The following GID8 variants were observed in gnomAD, a reference collection of about 807,000 sequenced individuals.
GID8 encodes GID complex subunit 8 homolog, also known as glucose-induced degradation protein 8 homolog.
In GID8, 6 loss-of-function variants were observed where a neutral mutation model predicts 27.4. The ratio of observed to expected loss-of-function variants is 0.22; its 90% CI spans 0.12 to 0.43. GID8 has a LOEUF of 0.43. Ranked by LOEUF, GID8 falls within the 20% of genes least tolerant of loss-of-function variation. GID8 has a pLI of 1.00. For synonymous variants in GID8, 112 were observed against 109.0 expected, an observed-to-expected ratio of 1.03 and a Z score of -0.17; for missense variants, 173 against 287.6, an observed-to-expected ratio of 0.60 and a Z score of 2.88.
In GID8 at chr20:62,945,165, T is replaced by C. The variant is rs2065460717; in HGVS notation, c.*253T>C. 1 of 1,268,698 alleles carries C rather than the reference T, an allele frequency of 7.9e-7. No homozygotes were observed. The highest frequency in any genetic ancestry group is 1.5e-5 in the African/African-American group (1 of 66,882). 78.6% of individuals were successfully genotyped at this position (1,268,698 alleles called of 1,614,324 possible). ...GCACTCGCTGAAGAATCTGGAAGGT[T>C]GCGGTTTGCTCTTCCAGTGTTCGGG... On this transcript the variant is annotated 3_prime_UTR_variant, in exon 5 of 5. Coordinates refer to ENST00000266069, the MANE Select transcript of GID8 (RefSeq NM_017896.3).
rs746251777 is a variant in GID8, at chr20:62,944,732, A to G, written c.514-7A>G. 8.1e-6 allele frequency: 13 copies of G among 1,595,916 alleles called. No homozygotes were observed. The highest frequency in any genetic ancestry group is 6.6e-5 in the South Asian group (6 of 90,706). ...GGTGGTTTTTATCAGATGTATTTAT[A>G]TTCTAGGTGTGGAGTGAAGTTAACC... On this transcript the variant is annotated splice_polypyrimidine_tract_variant and splice_region_variant and intron_variant, in intron 4 of 4. Coordinates refer to ENST00000266069, the MANE Select transcript of GID8 (RefSeq NM_017896.3).
Position 62,945,460 on chromosome 20 carries a change from TTGGTC to T in GID8, c.*552_*556del. 1.0e-6 allele frequency: 1 copy of T among 997,548 alleles called. No individual in the cohort carries two copies. 61.8% of individuals were successfully genotyped at this position (997,548 alleles called of 1,614,324 possible). On this transcript the variant is annotated 3_prime_UTR_variant, in exon 5 of 5. Coordinates refer to ENST00000266069, the MANE Select transcript of GID8 (RefSeq NM_017896.3). ...GCATTGAGTTTGATTTGTTTTCCCTTTGGTCTGGGTTGTGTGGCTTTTGGGGGATG... is the reference window on the plus strand; with the variant it reads ...GCATTGAGTTTGATTTGTTTTCCCTTTGGGTTGTGTGGCTTTTGGGGGATG...
rs946767489 is a variant in GID8, at chr20:62,945,840, G to C, written c.*928G>C. ...CGCAGAGCCCCAGCAGGTGGTGCACGACTGTTGGCGGAAGGAACGCGTGTT... is the reference window on the plus strand; with the variant it reads ...CGCAGAGCCCCAGCAGGTGGTGCACCACTGTTGGCGGAAGGAACGCGTGTT... On this transcript the variant is annotated 3_prime_UTR_variant, in exon 5 of 5. Coordinates refer to ENST00000266069, the MANE Select transcript of GID8 (RefSeq NM_017896.3). 7.8e-7 allele frequency: 1 copy of C among 1,289,748 alleles called. No homozygotes were observed. Among genetic ancestry groups the C allele is most frequent in the East Asian group, 5.5e-5 (1 of 18,032 alleles). The allele number at this position is 1,289,748 out of a possible 1,614,324, so 79.9% of individuals were successfully genotyped here.
At chr20:62,941,351 C>T (rs969154543) in intron 1 of GID8, 140 bp from the exon 2 acceptor site, 2 of 606,100 alleles carry the variant, frequency 3.3e-6, no homozygotes, top group Non-Finnish European at 6.0e-6. Context: ...CATTCTCAGT[C>T]TGGTGGGTGT....
chr20:62,945,424 C>T lies in GID8; in HGVS notation c.*512C>T, dbSNP rs2065462033. ...TGTAAATCCTAATTCAAAGATGGCT[C>T]ATGTGTGAGGGCATTGAGTTTGATT... On this transcript the variant is annotated 3_prime_UTR_variant, in exon 5 of 5. Coordinates refer to ENST00000266069, the MANE Select transcript of GID8 (RefSeq NM_017896.3). 3 of 987,462 alleles carry T rather than the reference C, an allele frequency of 3.0e-6. No homozygotes were observed. In the South Asian group the frequency reaches 1.4e-4, roughly 45 times the overall value. The allele number at this position is 987,462 out of a possible 1,614,324, so 61.2% of individuals were successfully genotyped here. A position where few individuals can be genotyped will look rare whatever the true frequency, so the allele number is the denominator to read the frequency against.
In GID8 at chr20:62,946,057, T is replaced by G; in HGVS notation, c.*1145T>G. 1 of 1,277,490 alleles carries G rather than the reference T, an allele frequency of 7.8e-7. No homozygotes were observed. The highest frequency in any genetic ancestry group is 1.0e-6 in the Non-Finnish European group (1 of 978,292). The allele number at this position is 1,277,490 out of a possible 1,614,324, so 79.1% of individuals were successfully genotyped here. On this transcript the variant is annotated 3_prime_UTR_variant, in exon 5 of 5. Coordinates refer to ENST00000266069, the MANE Select transcript of GID8 (RefSeq NM_017896.3). ...GTTGATGGGCACATGGCCTTGTAGC[T>G]CTGGGCACAGATGTGTTTGGATTCA... is the stretch of plus-strand genomic sequence containing the variant.
intron 1 of GID8, 63 bp from the exon 2 acceptor site, chr20:62,941,428 G>A (rs1262253403): frequency 2.3e-5 from 20 of 873,372 alleles, no homozygotes; most frequent in Admixed American, 2.1e-4. Flanking sequence ...CTCTTCCAGC[G>A]CTGCCCTCTG....
rs1601073391 is a variant in GID8, at chr20:62,945,005, A to G, written c.*93A>G. 1.2e-5 allele frequency: 17 copies of G among 1,471,550 alleles called. No homozygotes were observed. In the East Asian group the frequency reaches 4.2e-4, roughly 37 times the overall value. The allele number at this position is 1,471,550 out of a possible 1,614,324, so 91.2% of individuals were successfully genotyped here. On this transcript the variant is annotated 3_prime_UTR_variant, in exon 5 of 5. Transcript: ENST00000266069. ...GACTGCAAGATTCTTACTGCAGTAG[A>G]GAACTCTTTTTCTCCCTTGTACTTT...
At position 62,946,115 on chromosome 20, in the gene GID8, C is replaced by T; in HGVS notation, c.*1203C>T. 1 of 926,792 alleles carries T rather than the reference C, an allele frequency of 1.1e-6. No individual in the cohort carries two copies. The highest frequency in any genetic ancestry group is 1.5e-6 in the Non-Finnish European group (1 of 668,104). 57.4% of individuals were successfully genotyped at this position (926,792 alleles called of 1,614,324 possible). The stretch of plus-strand genomic sequence containing the variant: ...GGACCACCGGGCACTGTTGACCCCA[C>T]TGAGCAGTGCTAAGTGTTGGTTTAG... On this transcript the variant is annotated 3_prime_UTR_variant, in exon 5 of 5. Coordinates refer to ENST00000266069, the MANE Select transcript of GID8 (RefSeq NM_017896.3).
Position 62,945,972 on chromosome 20 carries a change from T to C in GID8, c.*1060T>C. The C allele has an allele frequency of 3.1e-6, 4 of 1,289,440 alleles. No homozygotes were observed. Among genetic ancestry groups the C allele is most frequent in the Non-Finnish European group, 3.0e-6 (3 of 988,850 alleles). 79.9% of individuals were successfully genotyped at this position (1,289,440 alleles called of 1,614,324 possible). The stretch of plus-strand genomic sequence containing the variant: ...GTTCACTCACAGAACTGTCCCCTGC[T>C]CCGTGGTGGGCAGGAGGGAAGTGGT... On this transcript the variant is annotated 3_prime_UTR_variant, in exon 5 of 5. Coordinates refer to ENST00000266069, the MANE Select transcript of GID8 (RefSeq NM_017896.3).
chr20:62,944,006 T>C (rs1174650260), intron 4 of GID8, among the ~76,000 whole-genome samples: 1 of 152,124 alleles, frequency 6.6e-6, no homozygotes, highest in African/African-American at 2.4e-5. Flanking sequence ...CAGCTAAGTT[T>C]TGTATTTTTA....
chr20:62,946,282 A>T lies in GID8; in HGVS notation c.*1370A>T. ...TCTCAAGTAGCAAGGCATCTCGACA[A>T]GCATGGTCTAGGTCTGGTGGCCAGC... On this transcript the variant is annotated 3_prime_UTR_variant, in exon 5 of 5. Transcript: ENST00000266069. The T allele has an allele frequency of 3.0e-6, 1 of 332,824 alleles. No homozygotes were observed. The highest frequency in any genetic ancestry group is 2.2e-5 in the South Asian group (1 of 44,596). The allele number at this position is 332,824 out of a possible 1,614,324, so 20.6% of individuals were successfully genotyped here. A position where few individuals can be genotyped will look rare whatever the true frequency, so the allele number is the denominator to read the frequency against.
At position 62,943,432 on chromosome 20, in the gene GID8, C is replaced by T. The variant is rs146345854; in HGVS notation, c.316-63C>T. The T allele has an allele frequency of 3.5e-6, 5 of 1,430,382 alleles. No homozygotes were observed. Among genetic ancestry groups the T allele is most frequent in the East Asian group, 4.6e-5 (2 of 43,702 alleles). 88.6% of individuals were successfully genotyped at this position (1,430,382 alleles called of 1,614,324 possible). A position where few individuals can be genotyped will look rare whatever the true frequency, so the allele number is the denominator to read the frequency against. On this transcript the variant is annotated intron_variant, in intron 3 of 4. Coordinates refer to ENST00000266069, the MANE Select transcript of GID8 (RefSeq NM_017896.3). The surrounding 1 kb of genome is among the most constrained non-coding windows in gnomAD (Gnocchi z 4.7). The stretch of plus-strand genomic sequence containing the variant: ...ATGTACTTTTGATTGGGACCTGGTA[C>T]CACCTGCCCTAAGTCCCTGGCCTGG...
At chr20:62,938,776 G>T (rs2065421108) in intron 1 of GID8, 1 of 152,212 alleles carries the variant, frequency 6.6e-6, no homozygotes, top group East Asian at 1.9e-4. Context: ...GTAACTGCCC[G>T]GAGTGGAAGC....
At chr20:62,944,647 A>T in intron 4 of GID8, 92 bp from the exon 5 acceptor site, 1 of 854,302 alleles carries the variant, frequency 1.2e-6, no homozygotes, top group South Asian at 1.5e-5. Context: ...CGCAGTTAAG[A>T]GCTTAATGTT....
chr20:62,945,581 C>A lies in GID8; in HGVS notation c.*669C>A, dbSNP rs1274746423. The A allele has an allele frequency of 8.8e-7, 1 of 1,142,122 alleles. No homozygotes were observed. The highest frequency in any genetic ancestry group is 1.1e-6 in the Non-Finnish European group (1 of 917,850). 70.7% of individuals were successfully genotyped at this position (1,142,122 alleles called of 1,614,324 possible). Reference sequence around the variant, plus strand: ...GACTTGTTCCTAGTGGATCAATGAACCATCTCTTCTGGGCAGTTTTGTTGA... The same window carrying A: ...GACTTGTTCCTAGTGGATCAATGAAACATCTCTTCTGGGCAGTTTTGTTGA... On this transcript the variant is annotated 3_prime_UTR_variant, in exon 5 of 5. Transcript: ENST00000266069.
intron 4 of GID8, among the ~76,000 whole-genome samples, chr20:62,944,400 G>A (rs1028124126): frequency 2.6e-5 from 4 of 152,026 alleles, no homozygotes; most frequent in Non-Finnish European, 4.4e-5. Flanking sequence ...TCCTCCCTAC[G>A]CTGTCTTGGA....
Position 62,943,161 on chromosome 20 carries a change from G to A in GID8, c.293G>A (p.Arg98Gln), listed in dbSNP as rs147843480. The change falls in exon 3 of 5, where the codon CGG becomes CAG. Residue 98 changes from arginine to glutamine, a missense_variant. Physicochemically the swap from Arg to Gln is conservative, Grantham distance 43 (BLOSUM62 1). Transcript: ENST00000266069. This position sits in a 1 kb window ranked among gnomAD's most constrained non-coding sequence, Gnocchi z 4.7. ...SLHPELLDTN[R>Q]YLYFHLQQQH... is the part of the protein sequence containing the mutation. ...CACCCAGAGCTCTTGGACACAAACC[G>A]GTATCTTTACTTCCATTTGCAGGTA... 5.0e-6 allele frequency: 8 copies of A among 1,612,650 alleles called. No homozygotes were observed. Among genetic ancestry groups the A allele is most frequent in the Non-Finnish European group, 6.8e-6 (8 of 1,178,954 alleles).
At chr20:62,939,469 C>T (rs971214187) in intron 1 of GID8, among the ~76,000 whole-genome samples, 2 of 147,894 alleles carry the variant, frequency 1.4e-5, no homozygotes, top group Admixed American at 1.4e-4. Context: ...GCTCTGAGCT[C>T]AGGATCTGTA....
Sources: gnomAD v4.1 joint callset for allele counts (sites outside exome capture counted in the v4.1 genomes callset) on GRCh38, gnomAD v4.1.1 for gene constraint, Gnocchi (gnomAD v3.1) non-coding constraint, MANE v1.5 for transcripts, NCBI Gene and HGNC (gene_info 2026-07-23, HGNC 2026-07-21) for gene names.